PTPRM: variants seen among roughly 807,000 people sequenced by gnomAD.
The protein encoded by PTPRM is protein tyrosine phosphatase receptor type M.
In PTPRM, 47 loss-of-function variants were observed where a neutral mutation model predicts 186.7. The ratio of observed to expected loss-of-function variants is 0.25; its 90% confidence interval spans 0.20 to 0.32. The LOEUF (loss-of-function observed/expected upper bound fraction) is 0.32, where lower values mean the gene tolerates loss of function less well. Among genes scored for constraint, PTPRM ranks in the 10% least tolerant of loss-of-function variants. The pLI, the probability that PTPRM is intolerant of heterozygous loss-of-function variation, is 1.00. For synonymous variants in PTPRM, 668 were observed against 674.9 expected (o/e 0.99, Z 0.16); for missense variants, 1,494 against 1,865.0 (o/e 0.80, Z 3.66).
intron 23 of PTPRM, among the ~76,000 whole-genome samples, chr18:8,354,661 A>G (rs926294151): frequency 6.6e-6 from 1 of 152,234 alleles, no homozygotes; most frequent in African/African-American, 2.4e-5. Flanking sequence ...CCAAGGGCAT[A>G]GAGCTAGAAT....
chr18:8,344,436 G>C (rs12326402), intron 23 of PTPRM, among the ~76,000 whole-genome samples: 2,964 of 33,836 alleles, frequency 0.088, 64 homozygotes, highest in Non-Finnish European at 0.16. Flanking sequence ...ATATATGTGT[G>C]TGTGTGTGTG....
chr18:8,398,221 C>T (rs998609222), intron 32 of PTPRM, among the ~76,000 whole-genome samples: 2 of 152,082 alleles, frequency 1.3e-5, no homozygotes, highest in Non-Finnish European at 2.9e-5. Flanking sequence ...TGGCCTCAAG[C>T]AGTCCTCCTG....
intron 22 of PTPRM, among the ~76,000 whole-genome samples, chr18:8,341,689 C>CCT (rs1555879300): frequency 9.2e-5 from 14 of 151,800 alleles, no homozygotes; most frequent in Non-Finnish European, 2.1e-4. Context: ...GAAGCCCCCC[C>CCT]CCCTTTGATT....
chr18:8,309,104 A>G (rs1438481905), intron 20 of PTPRM, among the ~76,000 whole-genome samples: 1 of 152,186 alleles, frequency 6.6e-6, no homozygotes, highest in African/African-American at 2.4e-5. Context: ...GTTGATGGAC[A>G]TTTGGATTGT....
intron 19 of PTPRM, among the ~76,000 whole-genome samples, chr18:8,267,507 T>C (rs973818942): frequency 6.6e-6 from 1 of 152,190 alleles, no homozygotes; most frequent in Non-Finnish European, 1.5e-5. Flanking sequence ...TTTAAGGCAT[T>C]ACAATCTTAA....
chr18:7,940,037 C>T (rs1364023275), intron 5 of PTPRM, among the ~76,000 whole-genome samples: 6 of 152,076 alleles, frequency 3.9e-5, no homozygotes, highest in African/African-American at 7.2e-5. Flanking sequence ...GGGGAAAGGA[C>T]GGTAGGGGCA....
chr18:8,312,302 C>G (rs73939432), intron 20 of PTPRM, among the ~76,000 whole-genome samples: 3,923 of 152,232 alleles, frequency 0.026, 191 homozygotes, highest in African/African-American at 0.091. Context: ...CTCACCTCCC[C>G]CAAACCCCCA....
At chr18:7,832,231 A>C (rs1169645175) in intron 2 of PTPRM, among the ~76,000 whole-genome samples, 1 of 152,210 alleles carries the variant, frequency 6.6e-6, no homozygotes, top group Non-Finnish European at 1.5e-5. Flanking sequence ...GTACTAATTT[A>C]CATTTCCACC....
intron 7 of PTPRM, among the ~76,000 whole-genome samples, chr18:8,065,804 C>T (rs1333484134): frequency 6.6e-6 from 1 of 152,060 alleles, no homozygotes; most frequent in African/African-American, 2.4e-5. Flanking sequence ...AATGCTGTGC[C>T]ATGTTTTGGG....
chr18:8,378,446 G>A (rs367651306), intron 27 of PTPRM, 32 bp downstream of exon 27: 35 of 1,607,190 alleles, frequency 2.2e-5, no homozygotes, highest in Admixed American at 5.0e-5. Context: ...GGCACTGCAC[G>A]GTGACTTGCT....
chr18:8,003,280 C>T (rs2083978703), intron 7 of PTPRM, among the ~76,000 whole-genome samples: 1 of 152,186 alleles, frequency 6.6e-6, no homozygotes, highest in African/African-American at 2.4e-5. Context: ...TCCCTCTTGC[C>T]TACGGCGACA....
At chr18:7,973,995 C>G (rs964614027) in intron 7 of PTPRM, among the ~76,000 whole-genome samples, 4 of 151,280 alleles carry the variant, frequency 2.6e-5, no homozygotes, top group Middle Eastern at 3.4e-3. Flanking sequence ...GAGGGGAAGA[C>G]TCCAGGGCTG....
chr18:8,191,367 G>A (rs980574258), intron 14 of PTPRM, among the ~76,000 whole-genome samples: 1 of 152,156 alleles, frequency 6.6e-6, no homozygotes, highest in Non-Finnish European at 1.5e-5. Context: ...AGGTGGGAAA[G>A]GACTTCTCTG....
At chr18:8,387,330 A>G (rs2095782197) in intron 31 of PTPRM, 95 bp downstream of exon 31, 4 of 1,289,422 alleles carry the variant, frequency 3.1e-6, no homozygotes, top group Non-Finnish European at 4.3e-6. Context: ...CTAGAAATGG[A>G]GAAGAAATAA....
intron 2 of PTPRM, among the ~76,000 whole-genome samples, chr18:7,864,515 G>A (rs1339802523): frequency 2.0e-5 from 3 of 152,016 alleles, no homozygotes; most frequent in Non-Finnish European, 2.9e-5. Context: ...GTACATGTGT[G>A]GTGTTATTTC....
At chr18:7,751,921 G>C (rs1289914730) in intron 1 of PTPRM, among the ~76,000 whole-genome samples, 7 of 152,174 alleles carry the variant, frequency 4.6e-5, no homozygotes, top group Admixed American at 6.5e-5. Flanking sequence ...ATAATGACAA[G>C]TGTGTTGAGT....
At chr18:8,209,989 TAAAAAAAA>T (rs67547673) in intron 14 of PTPRM, among the ~76,000 whole-genome samples, 14 of 78,702 alleles carry the variant, frequency 1.8e-4, no homozygotes, top group East Asian at 6.1e-4. Context: ...GAAGTAAAAT[TAAAAAAAA>T]AAAAAAAAAA....
chr18:7,989,599 CCTG>C (rs1013528922), intron 7 of PTPRM, among the ~76,000 whole-genome samples: 5 of 152,194 alleles, frequency 3.3e-5, no homozygotes, highest in African/African-American at 1.2e-4. Flanking sequence ...TTCACTTCAT[CCTG>C]CTAGATAACC....
intron 2 of PTPRM, among the ~76,000 whole-genome samples, chr18:7,869,951 T>C (rs1478941005): frequency 6.6e-6 from 1 of 152,188 alleles, no homozygotes; most frequent in African/African-American, 2.4e-5. Context: ...GATTGGGCCA[T>C]ATGCAAGTTA....
Sources: gnomAD v4.1 joint callset for allele counts (sites outside exome capture counted in the v4.1 genomes callset) on GRCh38, gnomAD v4.1.1 for gene constraint, MANE v1.5 for transcripts, NCBI Gene and HGNC (gene_info 2026-07-23, HGNC 2026-07-21) for gene names.